The following HS3ST4 variants were observed in gnomAD, a reference collection of about 807,000 sequenced individuals.
HS3ST4 encodes heparan sulfate-glucosamine 3-sulfotransferase 4.
HS3ST4 carries 17 observed loss-of-function variants against 29.2 expected under a neutral mutation model. The ratio of observed to expected loss-of-function variants is 0.58; its 90% CI spans 0.40 to 0.87. HS3ST4 has a LOEUF of 0.87. HS3ST4 is among the 40% of genes least tolerant of loss of function. The pLI, the probability that HS3ST4 is intolerant of heterozygous loss-of-function variation, is 0.00. For missense variants in HS3ST4, 627 were observed against 634.5 expected, an observed-to-expected ratio of 0.99 and a Z score of 0.13; for synonymous variants, 314 against 285.7, an observed-to-expected ratio of 1.10 and a Z score of -1.00.
rs66788248 is a variant in HS3ST4 at position 25,741,365 on chromosome 16, T to TAAAAA, written c.734+48235_734+48239dup. Among the ~76,000 whole-genome samples the TAAAAA allele has an allele frequency of 4.5e-3, 299 of 66,180 alleles. 12 individuals are homozygous for TAAAAA. Among genetic ancestry groups the TAAAAA allele is most frequent in the African/African-American group, 0.015 (251 of 16,334 alleles). The allele number at this position is 66,180 out of a possible 152,430, so 43.4% of individuals were successfully genotyped here. A position where few individuals can be genotyped will look rare whatever the true frequency, so the allele number is the denominator to read the frequency against. ...TTAAAGGATGAGTTTGAATTCAAGG[T>TAAAAA]AAAAAAAAAAAAAAAAAAAAAAAAA... is the stretch of plus-strand genomic sequence containing the variant. On this transcript the variant is annotated intron_variant, in intron 1 of 1. Coordinates refer to ENST00000331351, the MANE Select transcript of HS3ST4 (RefSeq NM_006040.3).
At chr16:25,745,038 TC>T (rs11335757) in intron 1 of HS3ST4, among the ~76,000 whole-genome samples, 139,675 of 152,150 alleles carry the variant, frequency 0.92, 64,143 homozygotes, top group East Asian at 1. Flanking sequence ...GCACATCTCT[TC>T]CTCTTAAGGG....
At chr16:26,011,515 G>A (rs533947452) in intron 1 of HS3ST4, among the ~76,000 whole-genome samples, 46 of 152,268 alleles carry the variant, frequency 3.0e-4, no homozygotes, top group African/African-American at 9.6e-4. Context: ...AGCTGAGATC[G>A]TGCCACTGCA....
At chr16:25,916,837 G>C (rs1023355011) in intron 1 of HS3ST4, among the ~76,000 whole-genome samples, 4 of 151,772 alleles carry the variant, frequency 2.6e-5, no homozygotes, top group Non-Finnish European at 4.4e-5. Context: ...CTGCGACCAC[G>C]CCCGGCTGAT....
intron 1 of HS3ST4, among the ~76,000 whole-genome samples, chr16:25,765,971 A>G (rs183943950): frequency 6.6e-6 from 1 of 152,266 alleles, no homozygotes; most frequent in African/African-American, 2.4e-5. Context: ...CACTGTGGTT[A>G]GGGAGCGGTC....
chr16:25,985,614 C>G (rs1373526364), intron 1 of HS3ST4, among the ~76,000 whole-genome samples: 1 of 152,102 alleles, frequency 6.6e-6, no homozygotes, highest in East Asian at 1.9e-4. Context: ...TCCTCCCCCC[C>G]TTTAAAAATT....
chr16:25,812,018 A>T (rs1967046891), intron 1 of HS3ST4, among the ~76,000 whole-genome samples: 2 of 152,162 alleles, frequency 1.3e-5, no homozygotes, highest in Non-Finnish European at 2.9e-5. Flanking sequence ...AGTGCTGTGT[A>T]GTATTCCATG....
intron 1 of HS3ST4, among the ~76,000 whole-genome samples, chr16:25,765,684 C>A (rs1966813606): frequency 6.6e-6 from 1 of 152,166 alleles, no homozygotes; most frequent in Non-Finnish European, 1.5e-5. Flanking sequence ...CCCAGGGGAG[C>A]ACCCTCATCT....
chr16:26,115,878 C>T (rs570160483), intron 1 of HS3ST4, among the ~76,000 whole-genome samples: 5 of 152,162 alleles, frequency 3.3e-5, no homozygotes, highest in Non-Finnish European at 7.4e-5. Flanking sequence ...CATGCTACTC[C>T]GATTCCAGCA....
At chr16:25,697,438 C>G (rs770922105) in intron 1 of HS3ST4, among the ~76,000 whole-genome samples, 9 of 152,116 alleles carry the variant, frequency 5.9e-5, no homozygotes, top group Non-Finnish European at 1.3e-4. Context: ...CTAAATTACT[C>G]AATAATAATT....
At chr16:26,126,232 A>G (rs1236155096) in intron 1 of HS3ST4, among the ~76,000 whole-genome samples, 4 of 152,050 alleles carry the variant, frequency 2.6e-5, no homozygotes, top group African/African-American at 9.7e-5. Context: ...AAAACTTAAT[A>G]CTTAGTACTC....
intron 1 of HS3ST4, among the ~76,000 whole-genome samples, chr16:25,837,271 C>G (rs1967365844): frequency 6.6e-6 from 1 of 152,196 alleles, no homozygotes; most frequent in South Asian, 2.1e-4. Context: ...GGTGTGAACC[C>G]ACACCCACAT....
At chr16:25,889,044 T>C (rs1334099317) in intron 1 of HS3ST4, among the ~76,000 whole-genome samples, 2 of 152,196 alleles carry the variant, frequency 1.3e-5, no homozygotes, top group Non-Finnish European at 2.9e-5. Flanking sequence ...TTGACTGCTA[T>C]AACCTTGAGC....
At chr16:25,968,033 G>A (rs2141705035) in intron 1 of HS3ST4, among the ~76,000 whole-genome samples, 1 of 152,292 alleles carries the variant, frequency 6.6e-6, no homozygotes, top group Middle Eastern at 3.4e-3. Flanking sequence ...GGGGGAGAGG[G>A]ATTATTCTCT....
intron 1 of HS3ST4, among the ~76,000 whole-genome samples, chr16:26,095,641 C>T (rs1898916638): frequency 6.6e-6 from 1 of 152,170 alleles, no homozygotes; most frequent in African/African-American, 2.4e-5. Flanking sequence ...ATTTATAGCA[C>T]TAAATGCCCA....
In HS3ST4 at chr16:26,137,009, C is replaced by T. The variant is rs1281990818; in HGVS notation, c.*761C>T. 6.6e-6 allele frequency: 1 copy of T among 152,028 alleles called. No homozygotes were observed. Among genetic ancestry groups the T allele is most frequent in the East Asian group, 1.9e-4 (1 of 5,164 alleles). 9.4% of individuals were successfully genotyped at this position (152,028 alleles called of 1,614,324 possible). A position where few individuals can be genotyped will look rare whatever the true frequency, so the allele number is the denominator to read the frequency against. ...GGTTGTGCAGAAGCTTAGCATATGC[C>T]CTTGTGTTCGGATCAGGCCCACAGG... On this transcript the variant is annotated 3_prime_UTR_variant, in exon 2 of 2. Coordinates refer to ENST00000331351, the MANE Select transcript of HS3ST4 (RefSeq NM_006040.3).
At chr16:25,926,044 TA>T (rs369200440) in intron 1 of HS3ST4, among the ~76,000 whole-genome samples, 11,819 of 146,342 alleles carry the variant, frequency 0.081, 577 homozygotes, top group Non-Finnish European at 0.099. Flanking sequence ...ATGGCACCGT[TA>T]AAAAAAAAAG....
chr16:25,860,837 C>G (rs1013468203), intron 1 of HS3ST4, among the ~76,000 whole-genome samples: 1 of 152,010 alleles, frequency 6.6e-6, no homozygotes, highest in African/African-American at 2.4e-5. Context: ...CATACAACAC[C>G]AAGAATGAAC....
At chr16:25,762,992 T>C (rs768229089) in intron 1 of HS3ST4, among the ~76,000 whole-genome samples, 3 of 150,844 alleles carry the variant, frequency 2.0e-5, no homozygotes, top group Non-Finnish European at 4.4e-5. Flanking sequence ...CTGAAATGCA[T>C]GTTAGAGACA....
intron 1 of HS3ST4, among the ~76,000 whole-genome samples, chr16:26,061,606 C>T (rs572952243): frequency 6.6e-4 from 101 of 152,286 alleles, no homozygotes; most frequent in Middle Eastern, 6.8e-3. Flanking sequence ...TTGGAAGTGA[C>T]GCAAAATCTG....
Sources: allele counts gnomAD v4.1 joint callset (sites outside exome capture counted in the v4.1 genomes callset), GRCh38; gene constraint gnomAD v4.1.1; transcripts MANE v1.5; gene names NCBI Gene and HGNC (gene_info 2026-07-23, HGNC 2026-07-21).